Variants in GDI2 observed in about 807,000 individuals in gnomAD.
GDI2 encodes the protein rab GDP dissociation inhibitor beta.
GDI2 carries 22 observed loss-of-function variants against 54.2 expected under a neutral mutation model. That is an observed-to-expected ratio of 0.41 (90% CI 0.29 to 0.58). GDI2 has a LOEUF of 0.58. Among genes scored for constraint, GDI2 ranks in the 20% least tolerant of loss-of-function variants. The pLI, the probability that GDI2 is intolerant of heterozygous loss-of-function variation, is 0.35. For synonymous variants in GDI2, 177 were observed against 182.1 expected (o/e 0.97, Z 0.23); for missense variants, 422 against 546.0 (o/e 0.77, Z 2.26).
intron 6 of GDI2, among the ~76,000 whole-genome samples, chr10:5,775,682 C>T (rs1840602138): frequency 6.6e-6 from 1 of 152,152 alleles, no homozygotes; most frequent in Non-Finnish European, 1.5e-5. Context: ...AAATAAACAG[C>T]TGAAAGGCTC....
Position 5,766,009 on chromosome 10 carries a change from G to A in GDI2, c.1335C>T (p.Asp445=). 1 of 1,575,676 alleles carries A rather than the reference G, an allele frequency of 6.3e-7. No individual in the cohort carries two copies. The highest frequency in any genetic ancestry group is 1.2e-5 in the South Asian group (1 of 84,584). The part of the protein sequence containing the change: ...KRKKNDIYGE[D] ...TACATAATAACATGTACTGCTGTTA[G>A]TCTTCCCCATAGATGTCATTCTTCT... The change falls in exon 11 of 11, where the codon GAC becomes GAT. Residue 445 remains aspartate (D), a synonymous_variant. Coordinates refer to ENST00000380191, the MANE Select transcript of GDI2 (RefSeq NM_001494.4). The surrounding 1 kb of genome is among the most constrained non-coding windows in gnomAD (Gnocchi z 5.8).
chr10:5,784,757 G>A (rs1210047001), intron 6 of GDI2, among the ~76,000 whole-genome samples: 1 of 152,240 alleles, frequency 6.6e-6, no homozygotes, highest in Non-Finnish European at 1.5e-5. Flanking sequence ...GAGAGTGTCT[G>A]CAAAGAGTCC....
At chr10:5,770,696 T>C (rs2131681865) in intron 7 of GDI2, among the ~76,000 whole-genome samples, 1 of 151,912 alleles carries the variant, frequency 6.6e-6, no homozygotes, top group South Asian at 2.1e-4. Flanking sequence ...CCGGGCGCAG[T>C]GGCTGACGCC....
chr10:5,812,809 G>A (rs1841504807), intron 1 of GDI2, among the ~76,000 whole-genome samples: 4 of 152,214 alleles, frequency 2.6e-5, no homozygotes, highest in Admixed American at 2.0e-4. Flanking sequence ...AAATGCAACC[G>A]CGAGGCCTGC....
chr10:5,797,356 C>T (rs2131710978), intron 2 of GDI2, among the ~76,000 whole-genome samples: 1 of 152,054 alleles, frequency 6.6e-6, no homozygotes, highest in South Asian at 2.1e-4. Context: ...AAAAGCCAGG[C>T]CAAGATGGTG....
intron 7 of GDI2, among the ~76,000 whole-genome samples, chr10:5,772,845 G>A (rs1194517695): frequency 6.6e-6 from 1 of 152,068 alleles, no homozygotes; most frequent in African/African-American, 2.4e-5. Context: ...ACATCCTCAG[G>A]TGTATAACGA....
chr10:5,773,991 C>A, intron 6 of GDI2, 50 bp from the exon 7 acceptor site: 1 of 754,682 alleles, frequency 1.3e-6, no homozygotes, highest in South Asian at 1.5e-5. Context: ...GTTTCAACTC[C>A]TAAAGTCCCC....
In GDI2 at chr10:5,794,700, C is replaced by G. The variant is rs187766002; in HGVS notation, c.388+185G>C. On this transcript the variant is annotated intron_variant, in intron 4 of 10. Transcript: ENST00000380191. ...GATCATTTAAACTCTAAGCTTCAAACGGGTAGGAATTTTTGAACATTTTGT... is the reference window on the plus strand; with the variant it reads ...GATCATTTAAACTCTAAGCTTCAAAGGGGTAGGAATTTTTGAACATTTTGT... Among the ~76,000 whole-genome samples the G allele has an allele frequency of 6.6e-5, 10 of 152,112 alleles. 1 individual carries two copies. Among genetic ancestry groups the G allele is most frequent in the Admixed American group, 5.9e-4 (9 of 15,258 alleles).
rs1275448063 is a variant in GDI2, at chr10:5,785,878, A to G, written c.561T>C (p.His187=). 1.2e-6 allele frequency: 2 copies of G among 1,608,504 alleles called. No individual in the cohort carries two copies. Among genetic ancestry groups the G allele is most frequent in the Non-Finnish European group, 8.5e-7 (1 of 1,175,050 alleles). ...CATCAGTTCTGTAAAGTGCAAGAGC[A>G]TGACCAGTAAAATCTATAACGTCTT... is the stretch of plus-strand genomic sequence containing the variant. ...LGQDVIDFTG[H]ALALYRTDDY... Residue 187 remains histidine (H), a synonymous_variant, in exon 5 of 11, where the codon CAT becomes CAC. Coordinates refer to ENST00000380191, the MANE Select transcript of GDI2 (RefSeq NM_001494.4).
chr10:5,775,565 GGGAGCCTCAAAAGAA>G (rs1342996856), intron 6 of GDI2, among the ~76,000 whole-genome samples: 1 of 152,090 alleles, frequency 6.6e-6, no homozygotes, highest in Non-Finnish European at 1.5e-5. Flanking sequence ...TCACAAAAGA[GGGAGCCTCAAAAGAA>G]GGAGCCAACA....
intron 1 of GDI2, chr10:5,811,959 G>GAAAAA: frequency 1.3e-6 from 1 of 750,270 alleles, no homozygotes; most frequent in Non-Finnish European, 1.8e-6. Flanking sequence ...GATGTTACCT[G>GAAAAA]TAAAAAAAAA....
chr10:5,795,076 TTACTAA>T lies in GDI2; in HGVS notation c.254-63_254-58del, dbSNP rs549630178. 84 of 1,031,010 alleles carry T rather than the reference TTACTAA, an allele frequency of 8.1e-5. 1 individual carries two copies. The highest frequency in any genetic ancestry group is 8.1e-4 in the South Asian group (60 of 73,788). The allele number at this position is 1,031,010 out of a possible 1,614,324, so 63.9% of individuals were successfully genotyped here. A position where few individuals can be genotyped will look rare whatever the true frequency, so the allele number is the denominator to read the frequency against. On this transcript the variant is annotated intron_variant, in intron 3 of 10. Transcript: ENST00000380191. ...TAAGTCTATAAATTATAAAGAACAT[TTACTAA>T]TACTAACAGCTTCTAAAATTTTTTC... is the stretch of plus-strand genomic sequence containing the variant.
Position 5,776,645 on chromosome 10 carries a change from C to G in GDI2, c.720-2704G>C. On this transcript the variant is annotated intron_variant, in intron 6 of 10. Transcript: ENST00000380191. This position sits in a 1 kb window ranked among gnomAD's most constrained non-coding sequence, Gnocchi z 5.3. The stretch of plus-strand genomic sequence containing the variant: ...TCTAAATGGTCCAATAGAAAAGGAG[C>G]TGGATGTAGATGCTGATTTTGTAGA... The G allele has an allele frequency of 6.7e-7, 1 of 1,483,292 alleles. No homozygotes were observed. The highest frequency in any genetic ancestry group is 9.4e-7 in the Non-Finnish European group (1 of 1,066,354). 91.9% of individuals were successfully genotyped at this position (1,483,292 alleles called of 1,614,324 possible).
intron 3 of GDI2, among the ~76,000 whole-genome samples, chr10:5,795,966 A>T (rs1841139096): frequency 6.6e-6 from 1 of 152,098 alleles, no homozygotes; most frequent in Non-Finnish European, 1.5e-5. Flanking sequence ...AAACTCAAAC[A>T]AGGAAAAAGG....
intron 2 of GDI2, among the ~76,000 whole-genome samples, chr10:5,798,588 CAAAAAAAA>C (rs534853983): frequency 1.0e-5 from 1 of 95,278 alleles, no homozygotes; most frequent in African/African-American, 4.0e-5. Flanking sequence ...GACTCCATCT[CAAAAAAAA>C]AAAAAAGAAA....
At chr10:5,804,855 C>G (rs557302358) in intron 1 of GDI2, among the ~76,000 whole-genome samples, 1 of 148,806 alleles carries the variant, frequency 6.7e-6, no homozygotes, top group Non-Finnish European at 1.5e-5. Flanking sequence ...TTATTAAAGA[C>G]AGAGTTTCTC....
At chr10:5,778,135 G>C (rs1840667234) in intron 6 of GDI2, among the ~76,000 whole-genome samples, 2 of 152,164 alleles carry the variant, frequency 1.3e-5, no homozygotes, top group African/African-American at 4.8e-5. Context: ...GGGCCTGTCA[G>C]GGGATGGGGG....
At chr10:5,786,718 G>A (rs1235062743) in intron 4 of GDI2, among the ~76,000 whole-genome samples, 1 of 152,156 alleles carries the variant, frequency 6.6e-6, no homozygotes, top group Non-Finnish European at 1.5e-5. Flanking sequence ...TGACAACTCT[G>A]ATCTACACTC....
intron 8 of GDI2, among the ~76,000 whole-genome samples, chr10:5,767,514 G>A (rs557800350): frequency 6.6e-5 from 10 of 151,960 alleles, no homozygotes; most frequent in African/African-American, 2.2e-4. Flanking sequence ...TTGTAGAGAC[G>A]AGCTCTCACT....
Sources: allele counts gnomAD v4.1 joint callset (sites outside exome capture counted in the v4.1 genomes callset), GRCh38; gene constraint gnomAD v4.1.1; non-coding constraint Gnocchi (gnomAD v3.1); transcripts MANE v1.5; gene names NCBI Gene and HGNC (gene_info 2026-07-23, HGNC 2026-07-21).